Variants in PCDH9 observed in about 807,000 individuals in gnomAD.
PCDH9 encodes the protein protocadherin 9, also known as protocadherin-9.
A neutral mutation model predicts 70.6 loss-of-function variants in PCDH9; 24 were observed. That is an observed-to-expected ratio of 0.34 (90% CI 0.25 to 0.48). The LOEUF is 0.48. Among genes scored for constraint, PCDH9 ranks in the 20% least tolerant of loss-of-function variants. The pLI is 0.99. For synonymous variants in PCDH9, 562 were observed against 558.5 expected, an observed-to-expected ratio of 1.01 and a Z score of -0.09; for missense variants, 1,281 against 1,503.6, an observed-to-expected ratio of 0.85 and a Z score of 2.45.
chr13:66,572,842 C>T (rs2076752481), intron 4 of PCDH9, among the ~76,000 whole-genome samples: 1 of 152,112 alleles, frequency 6.6e-6, no homozygotes, highest in South Asian at 2.1e-4. Context: ...TTACTGCAGC[C>T]TCACCCTCCC....
intron 3 of PCDH9, among the ~76,000 whole-genome samples, chr13:66,794,980 C>CACACAT (rs2080218786): frequency 6.6e-6 from 1 of 150,768 alleles, no homozygotes; most frequent in African/African-American, 2.5e-5. Context: ...CACACAGGCA[C>CACACAT]ACACACACAC....
At chr13:67,094,888 C>G (rs2138222197) in intron 2 of PCDH9, among the ~76,000 whole-genome samples, 1 of 152,160 alleles carries the variant, frequency 6.6e-6, no homozygotes, top group Non-Finnish European at 1.5e-5. Context: ...GTTTTTCTTC[C>G]TAGCCCCAGA....
chr13:66,758,173 A>C (rs2079566523), intron 3 of PCDH9, among the ~76,000 whole-genome samples: 1 of 152,078 alleles, frequency 6.6e-6, no homozygotes, highest in Non-Finnish European at 1.5e-5. Flanking sequence ...CTAGCTATTT[A>C]ACAAGTGTGT....
At chr13:67,219,823 C>T (rs965589327) in intron 2 of PCDH9, 2 of 151,916 alleles carry the variant, frequency 1.3e-5, no homozygotes, top group Non-Finnish European at 2.9e-5. Context: ...AAATGATTTA[C>T]TAATATTAAG....
intron 2 of PCDH9, among the ~76,000 whole-genome samples, chr13:67,191,276 C>A (rs899635305): frequency 6.6e-6 from 1 of 152,066 alleles, no homozygotes; most frequent in South Asian, 2.1e-4. Context: ...AACATAAATT[C>A]TTTGGAGAAT....
intron 4 of PCDH9, among the ~76,000 whole-genome samples, chr13:66,484,763 C>G (rs919066069): frequency 3.9e-5 from 6 of 152,158 alleles, no homozygotes; most frequent in Non-Finnish European, 8.8e-5. Flanking sequence ...GATTCAAACT[C>G]TGTCCTGGGA....
chr13:66,896,181 T>C (rs2082175574), intron 3 of PCDH9, among the ~76,000 whole-genome samples: 1 of 152,194 alleles, frequency 6.6e-6, no homozygotes, highest in East Asian at 1.9e-4. Flanking sequence ...TGATCAATCT[T>C]TATAGAGTGT....
chr13:66,315,092 A>G (rs950751445), intron 4 of PCDH9, among the ~76,000 whole-genome samples: 1 of 152,184 alleles, frequency 6.6e-6, no homozygotes, highest in African/African-American at 2.4e-5. Flanking sequence ...AATAAAAATG[A>G]TGTGAGAGCA....
At chr13:66,539,072 T>C (rs529472609) in intron 4 of PCDH9, among the ~76,000 whole-genome samples, 1 of 152,208 alleles carries the variant, frequency 6.6e-6, no homozygotes, top group Admixed American at 6.5e-5. Flanking sequence ...TACAACAAAA[T>C]ATATGTACAT....
At chr13:66,912,616 G>A (rs1318615529) in intron 2 of PCDH9, among the ~76,000 whole-genome samples, 1 of 151,510 alleles carries the variant, frequency 6.6e-6, no homozygotes, top group Non-Finnish European at 1.5e-5. Flanking sequence ...GTGTATTCAT[G>A]GAATATTCAT....
intron 4 of PCDH9, among the ~76,000 whole-genome samples, chr13:66,623,428 G>GCTTTTT (rs958941625): frequency 6.6e-6 from 1 of 152,186 alleles, no homozygotes; most frequent in East Asian, 1.9e-4. Flanking sequence ...TGGCAAGTAG[G>GCTTTTT]CTTTTTCTTT....
rs925743755 is a variant in PCDH9, at chr13:66,354,131, T to C, written c.3341-49103A>G. On this transcript the variant is annotated intron_variant, in intron 4 of 4. Coordinates refer to ENST00000377865, the MANE Select transcript of PCDH9 (RefSeq NM_203487.3). ...GCTTTATAAGCTTGGTTGAAGAGGGTTGTTTTTCTTTTTCTCTCTCTTTTT... is the reference window on the plus strand; with the variant it reads ...GCTTTATAAGCTTGGTTGAAGAGGGCTGTTTTTCTTTTTCTCTCTCTTTTT... Among the ~76,000 whole-genome samples the C allele has an allele frequency of 4.6e-5, 7 of 152,122 alleles. No individual in the cohort carries two copies. In the East Asian group the frequency reaches 1.3e-3, roughly 29 times the overall value.
intron 2 of PCDH9, among the ~76,000 whole-genome samples, chr13:67,104,705 C>T (rs1381548494): frequency 1.3e-5 from 2 of 152,110 alleles, no homozygotes; most frequent in East Asian, 1.9e-4. Flanking sequence ...CCCACCACCA[C>T]GCTAGGCTAA....
intron 2 of PCDH9, among the ~76,000 whole-genome samples, chr13:67,154,595 A>AAAATATAT (rs1555313195): frequency 1.1e-5 from 1 of 88,990 alleles, no homozygotes; most frequent in African/African-American, 4.5e-5. Flanking sequence ...AAAAAAAAAA[A>AAAATATAT]ATATATATAT....
intron 3 of PCDH9, among the ~76,000 whole-genome samples, chr13:66,726,452 C>A (rs1303087172): frequency 3.3e-5 from 5 of 150,932 alleles, no homozygotes; most frequent in African/African-American, 5.0e-5. Flanking sequence ...GTAAGTGAAT[C>A]TGTTTAAAGC....
intron 2 of PCDH9, chr13:67,214,950 A>ATATATATATATATATATATATG (rs2089561531): frequency 1.4e-5 from 1 of 69,130 alleles, no homozygotes; most frequent in Non-Finnish European, 3.1e-5. Flanking sequence ...ATATATATAT[A>ATATATATATATATATATATATG]TATATATATA....
chr13:66,411,844 A>C (rs760956141), intron 4 of PCDH9, among the ~76,000 whole-genome samples: 4 of 152,196 alleles, frequency 2.6e-5, no homozygotes, highest in Non-Finnish European at 5.9e-5. Flanking sequence ...ACAGCTACTT[A>C]TGAATGTACC....
chr13:67,081,460 C>T (rs1002686213), intron 2 of PCDH9, among the ~76,000 whole-genome samples: 1 of 151,984 alleles, frequency 6.6e-6, no homozygotes, highest in Admixed American at 6.6e-5. Flanking sequence ...CCCAGCTACT[C>T]GGGAGGCTGA....
chr13:66,694,944 C>T (rs1265143388), intron 3 of PCDH9, among the ~76,000 whole-genome samples: 3 of 150,898 alleles, frequency 2.0e-5, no homozygotes, highest in Admixed American at 1.3e-4. Flanking sequence ...TGCTCTGTCG[C>T]CCAGGCTGTA....
Sources: gnomAD v4.1 joint callset for allele counts (sites outside exome capture counted in the v4.1 genomes callset) on GRCh38, gnomAD v4.1.1 for gene constraint, MANE v1.5 for transcripts, NCBI Gene and HGNC (gene_info 2026-07-23, HGNC 2026-07-21) for gene names.